CCDC85A: variants seen among roughly 807,000 people sequenced by gnomAD.
The protein encoded by CCDC85A is coiled-coil domain containing 85A.
A neutral mutation model predicts 50.2 loss-of-function variants in CCDC85A; 38 were observed. The ratio of observed to expected loss-of-function variants is 0.76; its 90% CI spans 0.58 to 0.99. The LOEUF (loss-of-function observed/expected upper bound fraction) is 0.99. Among genes scored for constraint, CCDC85A ranks in the 50% least tolerant of loss-of-function variants. The probability of loss-of-function intolerance (pLI) is 0.00; values close to 1 mark genes in which losing one functional copy is unlikely to be tolerated. For synonymous variants in CCDC85A, 366 were observed against 301.4 expected (o/e 1.21, Z -2.22); for missense variants, 820 against 742.0 (o/e 1.11, Z -1.22).
Position 56,297,606 on chromosome 2 carries a change from G to T in CCDC85A, c.1241-45273G>T, listed in dbSNP as rs145522680. Among the ~76,000 whole-genome samples, 128 of 152,236 alleles carry T rather than the reference G, an allele frequency of 8.4e-4. 2 individuals carry two copies. Among genetic ancestry groups the T allele is most frequent in the African/African-American group, 2.6e-3 (110 of 41,544 alleles). On this transcript the variant is annotated intron_variant, in intron 2 of 5. Transcript: ENST00000407595. Reference sequence around the variant, plus strand: ...GGCCATGGAAAGCGGCCCCTCATTGGTAGATTTTCTGTGTTAAATTGTGAG... The same window carrying T: ...GGCCATGGAAAGCGGCCCCTCATTGTTAGATTTTCTGTGTTAAATTGTGAG...
chr2:56,280,267 T>A (rs938314569), intron 2 of CCDC85A, among the ~76,000 whole-genome samples: 11 of 152,216 alleles, frequency 7.2e-5, no homozygotes, highest in Admixed American at 3.9e-4. Flanking sequence ...TTCAAGGTTT[T>A]GCAGCTCAGC....
chr2:56,330,392 T>G (rs1673724233), intron 2 of CCDC85A, among the ~76,000 whole-genome samples: 1 of 152,180 alleles, frequency 6.6e-6, no homozygotes, highest in Admixed American at 6.5e-5. Flanking sequence ...TTAGATTGCT[T>G]GTATTGTGTG....
chr2:56,342,666 T>C (rs999563946), intron 2 of CCDC85A, among the ~76,000 whole-genome samples: 2 of 152,248 alleles, frequency 1.3e-5, no homozygotes, highest in Non-Finnish European at 2.9e-5. Context: ...CTGTGTCTTA[T>C]CTAATATTTC....
intron 2 of CCDC85A, among the ~76,000 whole-genome samples, chr2:56,271,272 C>A (rs1448805353): frequency 6.6e-6 from 1 of 152,170 alleles, no homozygotes; most frequent in Non-Finnish European, 1.5e-5. Flanking sequence ...TGCCAGCGAA[C>A]AGAGCACAGG....
intron 2 of CCDC85A, among the ~76,000 whole-genome samples, chr2:56,304,607 G>A (rs1672348638): frequency 6.6e-6 from 1 of 152,128 alleles, no homozygotes; most frequent in Non-Finnish European, 1.5e-5. Flanking sequence ...GAGAAATATT[G>A]AAATAGTAAA....
chr2:56,290,413 C>T lies in CCDC85A; in HGVS notation c.1241-52466C>T, dbSNP rs186560806. Among the ~76,000 whole-genome samples, 525 of 151,658 alleles carry T rather than the reference C, an allele frequency of 3.5e-3. 2 individuals are homozygous for T. The highest frequency in any genetic ancestry group is 0.012 in the African/African-American group (503 of 41,374). On this transcript the variant is annotated intron_variant, in intron 2 of 5. Coordinates refer to ENST00000407595, the MANE Select transcript of CCDC85A (RefSeq NM_001080433.2). ...AGAGAACAGGCTTTTTTTGCCATTT[C>T]CTGTGTTTACAGGTGATCAAATATG...
intron 2 of CCDC85A, among the ~76,000 whole-genome samples, chr2:56,320,232 G>T (rs1277082242): frequency 2.6e-5 from 4 of 152,186 alleles, no homozygotes; most frequent in East Asian, 1.9e-4. Context: ...AAAAGAACTA[G>T]AGAAGCAAGA....
intron 2 of CCDC85A, among the ~76,000 whole-genome samples, chr2:56,302,439 C>T (rs1672253513): frequency 6.6e-6 from 1 of 152,022 alleles, no homozygotes; most frequent in Non-Finnish European, 1.5e-5. Context: ...AGGGGAAAGC[C>T]ACTGAAGGTA....
At chr2:56,362,007 G>C (rs1675551105) in intron 3 of CCDC85A, among the ~76,000 whole-genome samples, 1 of 152,126 alleles carries the variant, frequency 6.6e-6, no homozygotes, top group Admixed American at 6.5e-5. Context: ...TAGACTCACA[G>C]TGTGTTTTCA....
intron 3 of CCDC85A, among the ~76,000 whole-genome samples, chr2:56,354,110 G>C (rs1675104148): frequency 6.6e-6 from 1 of 152,178 alleles, no homozygotes; most frequent in Non-Finnish European, 1.5e-5. Flanking sequence ...ACAATAAAAG[G>C]AGGCATGACA....
At chr2:56,267,498 A>G (rs1427937804) in intron 2 of CCDC85A, among the ~76,000 whole-genome samples, 2 of 152,204 alleles carry the variant, frequency 1.3e-5, no homozygotes, top group Non-Finnish European at 2.9e-5. Context: ...GATATTTGGT[A>G]TATTCAACAT....
rs139318683 is a variant in CCDC85A, at chr2:56,345,742, G to A, written c.1317+2787G>A. 3.9e-5 allele frequency among the ~76,000 whole-genome samples: 6 copies of A among 152,312 alleles called. No homozygotes were observed. The East Asian group carries it at 9.7e-4, about 25-fold the overall frequency. ...CTGGATTACACAAAGGCATTTACCT[G>A]TACAACTTACTCTTAGATGTTACTG... On this transcript the variant is annotated intron_variant, in intron 3 of 5. Transcript: ENST00000407595.
intron 5 of CCDC85A, among the ~76,000 whole-genome samples, chr2:56,381,257 GTGCTTAAGATTT>G (rs139185969): frequency 0.017 from 2,536 of 152,116 alleles, 68 homozygotes; most frequent in African/African-American, 0.059. Context: ...TTTTCAACCT[GTGCTTAAGATTT>G]TCAATTTGAA....
intron 3 of CCDC85A, among the ~76,000 whole-genome samples, chr2:56,363,782 G>A (rs1675654638): frequency 6.6e-6 from 1 of 152,158 alleles, no homozygotes; most frequent in African/African-American, 2.4e-5. Flanking sequence ...AATCGGCTCT[G>A]GTCTGCAAGT....
chr2:56,329,651 G>A (rs1165636221), intron 2 of CCDC85A, among the ~76,000 whole-genome samples: 1 of 152,116 alleles, frequency 6.6e-6, no homozygotes, highest in Non-Finnish European at 1.5e-5. Context: ...GTTACATTGT[G>A]TATGAGTTTG....
chr2:56,310,497 T>C (rs1260146900), intron 2 of CCDC85A, among the ~76,000 whole-genome samples: 1 of 152,182 alleles, frequency 6.6e-6, no homozygotes, highest in Admixed American at 6.6e-5. Flanking sequence ...TTATTCCAAC[T>C]TATAACGTGG....
chr2:56,214,547 A>G (rs1189364402), intron 2 of CCDC85A, among the ~76,000 whole-genome samples: 1 of 151,936 alleles, frequency 6.6e-6, no homozygotes, highest in African/African-American at 2.4e-5. Flanking sequence ...TGTAAAAGAT[A>G]TAAGGTCAGT....
intron 3 of CCDC85A, among the ~76,000 whole-genome samples, chr2:56,347,705 G>T (rs913266456): frequency 6.6e-6 from 1 of 152,166 alleles, no homozygotes; most frequent in Admixed American, 6.5e-5. Flanking sequence ...TTTTGGTTCA[G>T]AGTGAACTGG....
In CCDC85A at chr2:56,384,414, G is replaced by GA; in HGVS notation, c.*64dup. ...GCCAGAAAGTGATAGAAGACAAGAA[G>GA]AAAAAGGAAAGAGTGGGTTTCCACA... On this transcript the variant is annotated 3_prime_UTR_variant, in exon 6 of 6. Transcript: ENST00000407595. 6.8e-7 allele frequency: 1 copy of GA among 1,473,838 alleles called. No homozygotes were observed. 91.3% of individuals were successfully genotyped at this position (1,473,838 alleles called of 1,614,324 possible). A position where few individuals can be genotyped will look rare whatever the true frequency, so the allele number is the denominator to read the frequency against.
Sources: gnomAD v4.1 joint callset for allele counts (sites outside exome capture counted in the v4.1 genomes callset) on GRCh38, gnomAD v4.1.1 for gene constraint, MANE v1.5 for transcripts, NCBI Gene and HGNC (gene_info 2026-07-23, HGNC 2026-07-21) for gene names.